The following CDK6 variants were observed in gnomAD, a reference collection of about 807,000 sequenced individuals.
CDK6 encodes cyclin-dependent kinase 6.
In CDK6, 6 loss-of-function variants were observed where a neutral mutation model predicts 37.1. The observed-to-expected ratio is 0.16, with a 90% CI of 0.09 to 0.32. CDK6 has a LOEUF of 0.32. Ranked by LOEUF, CDK6 falls within the 10% of genes least tolerant of loss-of-function variation. The probability of loss-of-function intolerance (pLI) is 1.00; values close to 1 mark genes in which losing one functional copy is unlikely to be tolerated. For synonymous variants in CDK6, 160 were observed against 161.3 expected (o/e 0.99, Z 0.06); for missense variants, 224 against 418.9 (o/e 0.53, Z 4.06).
At chr7:92,645,981 T>G (rs1178262317) in intron 5 of CDK6, among the ~76,000 whole-genome samples, 3 of 152,216 alleles carry the variant, frequency 2.0e-5, no homozygotes, top group Non-Finnish European at 4.4e-5. Flanking sequence ...TGATTGTGCA[T>G]ACACGACACT....
At chr7:92,718,358 T>C (rs768650432) in intron 4 of CDK6, among the ~76,000 whole-genome samples, 23 of 152,140 alleles carry the variant, frequency 1.5e-4, no homozygotes, top group Non-Finnish European at 2.6e-4. Context: ...TTGGTTTGAT[T>C]TATTCAGTAT....
At chr7:92,622,589 C>T (rs994617770) in intron 6 of CDK6, among the ~76,000 whole-genome samples, 2 of 152,020 alleles carry the variant, frequency 1.3e-5, no homozygotes, top group Non-Finnish European at 2.9e-5. Flanking sequence ...TGTAGCATAC[C>T]ATCCTTCGCC....
intron 3 of CDK6, among the ~76,000 whole-genome samples, chr7:92,750,862 G>T (rs988020358): frequency 3.3e-5 from 5 of 152,038 alleles, no homozygotes; most frequent in Non-Finnish European, 7.4e-5. Flanking sequence ...TTTAAAAAAA[G>T]GATTTAATGA....
intron 5 of CDK6, among the ~76,000 whole-genome samples, chr7:92,629,315 T>G (rs1273997474): frequency 6.6e-6 from 1 of 152,066 alleles, no homozygotes; most frequent in Non-Finnish European, 1.5e-5. Context: ...ATAGCTGAAT[T>G]AATTTTTCCT....
intron 3 of CDK6, among the ~76,000 whole-genome samples, chr7:92,752,815 C>A (rs1222208263): frequency 6.6e-6 from 1 of 152,086 alleles, no homozygotes; most frequent in Non-Finnish European, 1.5e-5. Flanking sequence ...ATTGGCTCAT[C>A]ATTGTTCACT....
intron 5 of CDK6, among the ~76,000 whole-genome samples, chr7:92,638,549 C>T (rs1304266231): frequency 6.6e-6 from 1 of 152,178 alleles, no homozygotes; most frequent in African/African-American, 2.4e-5. Context: ...AGCAGGACAA[C>T]ACACCCTGTG....
chr7:92,755,971 A>G (rs1799308614), intron 3 of CDK6, among the ~76,000 whole-genome samples: 1 of 152,152 alleles, frequency 6.6e-6, no homozygotes, highest in African/African-American at 2.4e-5. Context: ...CTCATGTTCA[A>G]GCCCATTAAT....
At chr7:92,713,865 C>G (rs1419474002) in intron 4 of CDK6, among the ~76,000 whole-genome samples, 1 of 152,074 alleles carries the variant, frequency 6.6e-6, no homozygotes, top group Non-Finnish European at 1.5e-5. Context: ...GTTTAAATTT[C>G]AAGATGGATG....
Position 92,610,270 on chromosome 7 carries a change from G to C in CDK6, c.*4870C>G, listed in dbSNP as rs1795533813. Reference sequence around the variant, plus strand: ...CTGTATTTATTTTCAGGTGGCTCTTGTTTTCTTCCTAAGGCTAGACAAGGT... The same window carrying C: ...CTGTATTTATTTTCAGGTGGCTCTTCTTTTCTTCCTAAGGCTAGACAAGGT... On this transcript the variant is annotated 3_prime_UTR_variant, in exon 8 of 8. Coordinates refer to ENST00000424848, the MANE Select transcript of CDK6 (RefSeq NM_001145306.2). 4.3e-6 allele frequency: 1 copy of C among 232,174 alleles called. No homozygotes were observed. The highest frequency in any genetic ancestry group is 2.2e-5 in the African/African-American group (1 of 45,264). 14.4% of individuals were successfully genotyped at this position (232,174 alleles called of 1,614,324 possible).
At chr7:92,628,815 T>C (rs1795988602) in intron 5 of CDK6, among the ~76,000 whole-genome samples, 1 of 152,176 alleles carries the variant, frequency 6.6e-6, no homozygotes, top group South Asian at 2.1e-4. Flanking sequence ...GGCTGACAAT[T>C]ATTCTCCTAT....
intron 3 of CDK6, among the ~76,000 whole-genome samples, chr7:92,733,309 C>T (rs373994099): frequency 6.6e-6 from 1 of 152,126 alleles, no homozygotes; most frequent in Non-Finnish European, 1.5e-5. Flanking sequence ...TCTATATTCC[C>T]CAGGAACCAT....
intron 3 of CDK6, among the ~76,000 whole-genome samples, chr7:92,756,373 T>A (rs1799319134): frequency 6.6e-6 from 1 of 152,102 alleles, no homozygotes; most frequent in Non-Finnish European, 1.5e-5. Flanking sequence ...TGGCATGTAG[T>A]GAAATTTTGC....
chr7:92,616,981 G>T (rs2116481313), intron 7 of CDK6, among the ~76,000 whole-genome samples: 1 of 152,288 alleles, frequency 6.6e-6, no homozygotes, highest in South Asian at 2.1e-4. Context: ...AAAAAACTTT[G>T]TGTTAATAAT....
intron 4 of CDK6, among the ~76,000 whole-genome samples, chr7:92,679,727 CTT>C (rs947573481): frequency 2.0e-5 from 3 of 149,144 alleles, no homozygotes; most frequent in Non-Finnish European, 3.0e-5. Context: ...AAATTTACTT[CTT>C]TTTTTTTTCG....
intron 4 of CDK6, among the ~76,000 whole-genome samples, chr7:92,675,523 T>C (rs1442098437): frequency 1.3e-5 from 2 of 152,280 alleles, no homozygotes; most frequent in Non-Finnish European, 2.9e-5. Flanking sequence ...TTTGCTAGTA[T>C]CTATTCAGGA....
intron 3 of CDK6, among the ~76,000 whole-genome samples, chr7:92,733,410 CT>C (rs1329499397): frequency 6.6e-6 from 1 of 152,208 alleles, no homozygotes; most frequent in African/African-American, 2.4e-5. Context: ...AGAACTTTGA[CT>C]TCTTTAACCT....
chr7:92,807,984 G>C (rs1800771484), intron 2 of CDK6, among the ~76,000 whole-genome samples: 1 of 152,112 alleles, frequency 6.6e-6, no homozygotes, highest in Non-Finnish European at 1.5e-5. Context: ...CCTTTGAAAA[G>C]GGGACTCAGA....
chr7:92,741,434 G>T (rs956058203), intron 3 of CDK6, among the ~76,000 whole-genome samples: 3 of 152,054 alleles, frequency 2.0e-5, no homozygotes, highest in African/African-American at 7.2e-5. Context: ...TTGTTTCTTC[G>T]AAATTCAAGT....
intron 4 of CDK6, among the ~76,000 whole-genome samples, chr7:92,713,756 T>C (rs189179718): frequency 7.7e-4 from 117 of 152,018 alleles, no homozygotes; most frequent in Non-Finnish European, 1.5e-4. Flanking sequence ...CATGCATTTG[T>C]GTAAAATGCA....
Sources: gnomAD v4.1 joint callset for allele counts (sites outside exome capture counted in the v4.1 genomes callset) on GRCh38, gnomAD v4.1.1 for gene constraint, MANE v1.5 for transcripts, NCBI Gene and HGNC (gene_info 2026-07-23, HGNC 2026-07-21) for gene names.